Variants in CSMD2 observed in about 807,000 individuals in gnomAD.
CSMD2 encodes the protein CUB and sushi domain-containing protein 2.
In CSMD2, 130 loss-of-function variants were observed where a neutral mutation model predicts 398.5. The observed-to-expected ratio is 0.33, with a 90% CI of 0.28 to 0.38. The LOEUF (loss-of-function observed/expected upper bound fraction) is 0.38. CSMD2 is among the 10% of genes least tolerant of loss of function. CSMD2 has a pLI of 1.00. For missense variants in CSMD2, 3,829 were observed against 4,764.9 expected (o/e 0.80, Z 5.78); for synonymous variants, 1,828 against 1,908.5 (o/e 0.96, Z 1.10).
chr1:33,864,625 G>C (rs1461946814), intron 5 of CSMD2: 1 of 1,614,002 alleles, frequency 6.2e-7, no homozygotes, highest in Non-Finnish European at 8.5e-7. Context: ...TATGAGCAAA[G>C]AGTGGCTCTC....
At chr1:33,831,056 G>T (rs1456915918) in intron 6 of CSMD2, among the ~76,000 whole-genome samples, 1 of 152,164 alleles carries the variant, frequency 6.6e-6, no homozygotes, top group African/African-American at 2.4e-5. Flanking sequence ...GAAAGTGACG[G>T]GGAGAATGGA....
At chr1:33,819,956 T>G in intron 8 of CSMD2, 119 bp from the exon 9 acceptor site, 7 of 1,266,718 alleles carry the variant, frequency 5.5e-6, no homozygotes, top group Non-Finnish European at 7.7e-6. Context: ...CCTTAATCTC[T>G]GCTCCACTGT....
intron 44 of CSMD2, among the ~76,000 whole-genome samples, chr1:33,592,859 G>A (rs546991112): frequency 6.6e-6 from 1 of 151,668 alleles, no homozygotes; most frequent in Non-Finnish European, 1.5e-5. Flanking sequence ...TGAGGCAGGA[G>A]AATGGTGCCA....
At chr1:33,517,624 A>C (rs1653883178) in intron 70 of CSMD2, among the ~76,000 whole-genome samples, 1 of 152,212 alleles carries the variant, frequency 6.6e-6, no homozygotes, top group African/African-American at 2.4e-5. Context: ...ATGAAACTTG[A>C]GGAGTAATTT....
At chr1:33,932,057 A>G (rs997886003) in intron 4 of CSMD2, among the ~76,000 whole-genome samples, 1 of 152,190 alleles carries the variant, frequency 6.6e-6, no homozygotes, top group Non-Finnish European at 1.5e-5. Context: ...CAAGAAAAGC[A>G]AGAATGTAAG....
At chr1:33,626,765 A>G (rs180822207) in intron 32 of CSMD2, among the ~76,000 whole-genome samples, 184 bp from the exon 33 acceptor site, 32 of 152,316 alleles carry the variant, frequency 2.1e-4, no homozygotes, top group Admixed American at 2.0e-3. Flanking sequence ...AGTTTATAGA[A>G]AGCTTTTTCA....
rs1431780442 is a variant in CSMD2, at chr1:34,164,056, G to A, written c.187+855C>T. Among the ~76,000 whole-genome samples the A allele has an allele frequency of 1.3e-5, 2 of 152,066 alleles. No homozygotes were observed. On this transcript the variant is annotated intron_variant, in intron 1 of 70. Transcript: ENST00000373381. The surrounding 1 kb of genome is among the most constrained non-coding windows in gnomAD (Gnocchi z 6.2). ...GACTCGGTCGTCGGGAGCTGGTCCC[G>A]CCGCCCGCGCCGCCGCTGCCGCTGC... is the stretch of plus-strand genomic sequence containing the variant.
In CSMD2 at chr1:33,605,792, C is replaced by T. The variant is rs148225211; in HGVS notation, c.6344-322G>A. ...CAAGGAAGACATTGCTCAATTGAACCTCTATTCACTGAGTGCCACTGGGGG... is the reference window on the plus strand; with the variant it reads ...CAAGGAAGACATTGCTCAATTGAACTTCTATTCACTGAGTGCCACTGGGGG... On this transcript the variant is annotated intron_variant, in intron 41 of 70. Coordinates refer to ENST00000373381, the MANE Select transcript of CSMD2 (RefSeq NM_001281956.2). The T allele has an allele frequency of 6.4e-5, 79 of 1,228,434 alleles. No homozygotes were observed. In the East Asian group the frequency reaches 1.9e-3, roughly 29 times the overall value. 76.1% of individuals were successfully genotyped at this position (1,228,434 alleles called of 1,614,324 possible). A position where few individuals can be genotyped will look rare whatever the true frequency, so the allele number is the denominator to read the frequency against.
chr1:33,575,301 A>G (rs900412595), intron 49 of CSMD2, among the ~76,000 whole-genome samples: 3 of 152,194 alleles, frequency 2.0e-5, no homozygotes, highest in Non-Finnish European at 4.4e-5. Flanking sequence ...AAACAGCAGT[A>G]GAGAAGTGGA....
intron 1 of CSMD2, among the ~76,000 whole-genome samples, chr1:34,097,952 A>T (rs74899355): frequency 7.4e-6 from 1 of 134,386 alleles, no homozygotes; most frequent in Non-Finnish European, 1.5e-5. Flanking sequence ...TGCTATAAAG[A>T]CGCATGCACA....
intron 1 of CSMD2, among the ~76,000 whole-genome samples, chr1:34,141,490 G>A (rs1176697955): frequency 3.9e-5 from 6 of 152,200 alleles, no homozygotes; most frequent in African/African-American, 1.4e-4. Context: ...CCAAGGAGGT[G>A]ACGTTGGAAC....
intron 4 of CSMD2, among the ~76,000 whole-genome samples, chr1:33,932,559 C>T (rs1644347896): frequency 6.6e-6 from 1 of 152,170 alleles, no homozygotes; most frequent in Admixed American, 6.5e-5. Context: ...GGTATCTCTC[C>T]ACCCTGCTCC....
At position 33,624,928 on chromosome 1, in the gene CSMD2, G is replaced by T; in HGVS notation, c.5500+123C>A. The T allele has an allele frequency of 9.6e-7, 1 of 1,040,172 alleles. No individual in the cohort carries two copies. The highest frequency in any genetic ancestry group is 1.4e-6 in the Non-Finnish European group (1 of 692,724). The allele number at this position is 1,040,172 out of a possible 1,614,324, so 64.4% of individuals were successfully genotyped here. A position where few individuals can be genotyped will look rare whatever the true frequency, so the allele number is the denominator to read the frequency against. ...GGGTTGACTGGGACACCCCACCTCA[G>T]CCATGCGGTGGGAAGCGGCTGCTGT... On this transcript the variant is annotated intron_variant, in intron 34 of 70. Coordinates refer to ENST00000373381, the MANE Select transcript of CSMD2 (RefSeq NM_001281956.2). The surrounding 1 kb of genome is among the most constrained non-coding windows in gnomAD (Gnocchi z 4.7).
intron 2 of CSMD2, among the ~76,000 whole-genome samples, chr1:34,069,315 C>T (rs1376114096): frequency 6.6e-6 from 1 of 152,176 alleles, no homozygotes; most frequent in East Asian, 1.9e-4. Context: ...AACAAGACAG[C>T]TCTGGTCCCG....
At chr1:33,617,386 G>A (rs1641463407) in intron 38 of CSMD2, 113 bp downstream of exon 38, 2 of 757,136 alleles carry the variant, frequency 2.6e-6, no homozygotes, top group Non-Finnish European at 4.6e-6. Flanking sequence ...GGTACCCGGG[G>A]GACCTGGGGG....
At chr1:33,673,141 G>C (rs1644573459) in intron 25 of CSMD2, among the ~76,000 whole-genome samples, 1 of 152,010 alleles carries the variant, frequency 6.6e-6, no homozygotes, top group South Asian at 2.1e-4. Flanking sequence ...AGAGAAGAAG[G>C]CTTCAGAAGA....
At chr1:33,777,614 T>G (rs909759835) in intron 12 of CSMD2, among the ~76,000 whole-genome samples, 2 of 152,212 alleles carry the variant, frequency 1.3e-5, no homozygotes, top group Non-Finnish European at 2.9e-5. Context: ...AAATCACACA[T>G]GCAATTTCCT....
Position 33,918,226 on chromosome 1 carries a change from T to A in CSMD2, c.788A>T (p.His263Leu). The A allele has an allele frequency of 6.2e-7, 1 of 1,614,154 alleles. No homozygotes were observed. Among genetic ancestry groups the A allele is most frequent in the African/African-American group, 1.3e-5 (1 of 75,058 alleles). ...ISSPHFPSEY[H>L]NNADCTWTIL... ...GGTCCATGTGCAGTCGGCATTGTTA[T>A]GGTACTCCGAGGGGAAGTGGGGGCT... is the stretch of plus-strand genomic sequence containing the variant. Residue 263 changes from histidine to leucine, a missense_variant, in exon 5 of 71, where the codon CAT becomes CTT. His to Leu is a moderately conservative substitution (Grantham distance 99). Around this residue, in one of 5 missense-constraint regions of CSMD2, gnomAD observed 2,001 missense variants for 2,567.1 expected, o/e 0.78. Transcript: ENST00000373381.
chr1:33,966,459 G>T (rs1204630211), intron 3 of CSMD2, among the ~76,000 whole-genome samples: 3 of 152,206 alleles, frequency 2.0e-5, no homozygotes, highest in Non-Finnish European at 4.4e-5. Flanking sequence ...AAGAAACCTT[G>T]TTGACCTTCT....
Sources: allele counts gnomAD v4.1 joint callset (sites outside exome capture counted in the v4.1 genomes callset), GRCh38; gene constraint gnomAD v4.1.1; regional missense constraint gnomAD v4.1.1; non-coding constraint Gnocchi (gnomAD v3.1); transcripts MANE v1.5; gene names NCBI Gene and HGNC (gene_info 2026-07-23, HGNC 2026-07-21).